PLSCR3: variants seen among roughly 807,000 people sequenced by gnomAD.
PLSCR3 encodes the protein PL scramblase 3.
PLSCR3 carries 17 observed loss-of-function variants against 33.7 expected under a neutral mutation model. The observed-to-expected ratio is 0.50, with a 90% CI of 0.35 to 0.76. PLSCR3 has a LOEUF of 0.76. PLSCR3 is among the 30% of genes least tolerant of loss of function. The pLI, the probability that PLSCR3 is intolerant of heterozygous loss-of-function variation, is 0.01. For synonymous variants in PLSCR3, 166 were observed against 166.0 expected (o/e 1.00, Z 0.00); for missense variants, 360 against 394.1 (o/e 0.91, Z 0.73).
At position 7,391,228 on chromosome 17, in the gene PLSCR3, A is replaced by G. The variant is rs1239405074; in HGVS notation, c.670-433T>C. Among the ~76,000 whole-genome samples the G allele has an allele frequency of 6.6e-6, 1 of 152,208 alleles. No individual in the cohort carries two copies. The highest frequency in any genetic ancestry group is 2.4e-5 in the African/African-American group (1 of 41,446). On this transcript the variant is annotated intron_variant, in intron 6 of 7. Coordinates refer to ENST00000619711, the MANE Select transcript of PLSCR3 (RefSeq NM_020360.4). This position sits in a 1 kb window ranked among gnomAD's most constrained non-coding sequence, Gnocchi z 4.1. ...AGTAACCTGGCCAAAAGGGCAAGGA[A>G]AGCTACTGGAATTCTGGCTGTACTT...
At chr17:7,390,599 C>T (rs1905595454) in intron 7 of PLSCR3, 35 bp downstream of exon 7, 2 of 1,611,784 alleles carry the variant, frequency 1.2e-6, no homozygotes, top group Non-Finnish European at 1.7e-6. Context: ...CAGCAAAGGA[C>T]AGGCAGGAGG....
rs1905710948 is a variant in PLSCR3 at position 7,391,696 on chromosome 17, A to G, written c.670-901T>C. 6.6e-6 allele frequency among the ~76,000 whole-genome samples: 1 copy of G among 152,286 alleles called. No homozygotes were observed. Among genetic ancestry groups the G allele is most frequent in the Non-Finnish European group, 1.5e-5 (1 of 68,020 alleles). On this transcript the variant is annotated intron_variant, in intron 6 of 7. Coordinates refer to ENST00000619711, the MANE Select transcript of PLSCR3 (RefSeq NM_020360.4). This position sits in a 1 kb window ranked among gnomAD's most constrained non-coding sequence, Gnocchi z 4.1. Reference sequence around the variant, plus strand: ...CCTATGAGAACCCCACAGCCTATACATTCCCATCTGGAGATCACGCAGTTA... The same window carrying G: ...CCTATGAGAACCCCACAGCCTATACGTTCCCATCTGGAGATCACGCAGTTA...
In PLSCR3 at chr17:7,393,146, C is replaced by A; in HGVS notation, c.505G>T (p.Glu169Ter). Reference sequence around the variant, plus strand: ...CCCGGCCCCCTCCCTCCGCCCACCTCCTGGAGGCCACAGGGGCAGCAGCTG... The same window carrying A: ...CCCGGCCCCCTCCCTCCGCCCACCTACTGGAGGCCACAGGGGCAGCAGCTG... ...GCSCCPCGLQ[E>*]MEVQAPPGTT... Residue 169 changes from glutamate to a stop codon, truncating the protein, a stop_gained and splice_region_variant, in exon 5 of 8, where the codon GAG becomes TAG. Transcript: ENST00000619711. LOFTEE classifies it high-confidence loss of function. 6.9e-7 allele frequency: 1 copy of A among 1,455,204 alleles called. No individual in the cohort carries two copies. Among genetic ancestry groups the A allele is most frequent in the South Asian group, 1.4e-5 (1 of 71,008 alleles). The allele number at this position is 1,455,204 out of a possible 1,614,324, so 90.1% of individuals were successfully genotyped here.
In PLSCR3 at chr17:7,394,151, G is replaced by A. The variant is rs751331461; in HGVS notation, c.-41C>T. The A allele has an allele frequency of 1.2e-6, 2 of 1,607,150 alleles. No homozygotes were observed. The highest frequency in any genetic ancestry group is 2.2e-5 in the South Asian group (2 of 90,522). On this transcript the variant is annotated 5_prime_UTR_variant, in exon 2 of 8. Transcript: ENST00000619711. The surrounding 1 kb of genome is among the most constrained non-coding windows in gnomAD (Gnocchi z 5.3). ...GTTTTCGAGATGATGGTGTCTGGGT[G>A]GCTTAGTTCTGGAAGCGGAGGCAAA...
At chr17:7,390,561 G>A (rs773547452) in intron 7 of PLSCR3, 73 bp downstream of exon 7, 78 of 1,588,846 alleles carry the variant, frequency 4.9e-5, no homozygotes, top group Middle Eastern at 3.3e-4. Context: ...CTAGCAAGAG[G>A]CCAGGAAATG....
intron 6 of PLSCR3, 66 bp from the exon 7 acceptor site, chr17:7,390,861 T>C: frequency 6.5e-7 from 1 of 1,530,890 alleles, no homozygotes; most frequent in Non-Finnish European, 9.0e-7. Flanking sequence ...TGCTCCAGTC[T>C]CATTCCCACA....
chr17:7,390,472 C>T (rs1487115704), intron 7 of PLSCR3, 31 bp from the exon 8 acceptor site: 35 of 1,584,044 alleles, frequency 2.2e-5, no homozygotes, highest in South Asian at 5.7e-5. Flanking sequence ...ATGGGAGATC[C>T]GGCTGGGCCA....
intron 5 of PLSCR3, 54 bp downstream of exon 5, chr17:7,393,090 A>G: frequency 6.8e-7 from 1 of 1,465,454 alleles, no homozygotes; most frequent in Non-Finnish European, 9.0e-7. Flanking sequence ...GGTGGACCTC[A>G]TCATTGTCCC....
rs150576973 is a variant in PLSCR3, at chr17:7,390,670, C to G, written c.795G>C (p.Arg265Ser). ...TGGCTCCCAGCAGCACAGCCTTCAC[C>G]CTCACATCCAGGTCCAGCGGGAACT... is the stretch of plus-strand genomic sequence containing the variant. ...GLQFPLDLDV[R>S]VKAVLLGATF... Residue 265 changes from arginine (R) to serine (S), a missense_variant, in exon 7 of 8, where the codon AGG becomes AGC. Arg to Ser is a moderately radical substitution (Grantham distance 110). Coordinates refer to ENST00000619711, the MANE Select transcript of PLSCR3 (RefSeq NM_020360.4). 6.2e-7 allele frequency: 1 copy of G among 1,614,124 alleles called. No homozygotes were observed. The highest frequency in any genetic ancestry group is 1.3e-5 in the African/African-American group (1 of 75,058).
chr17:7,393,300 A>G lies in PLSCR3; in HGVS notation c.351T>C (p.Gly117=). 6.2e-7 allele frequency: 1 copy of G among 1,610,614 alleles called. No homozygotes were observed. The highest frequency in any genetic ancestry group is 8.5e-7 in the Non-Finnish European group (1 of 1,179,820). The part of the protein sequence containing the change: ...ELRSGAGQPL[G]QAAEESNCCA... ...AGCAGTTGCTCTCCTCGGCCGCCTGACCCAGGGGCTGCCCGGCCCCAGAGC... is the reference window on the plus strand; with the variant it reads ...AGCAGTTGCTCTCCTCGGCCGCCTGGCCCAGGGGCTGCCCGGCCCCAGAGC... Residue 117 remains glycine (G), a synonymous_variant, in exon 5 of 8, where the codon GGT becomes GGC. Transcript: ENST00000619711.
Position 7,390,749 on chromosome 17 carries a change from T to C in PLSCR3, c.716A>G (p.Gln239Arg). ...ESRSVGRISK[Q>R]WGGLVREALT... Reference sequence around the variant, plus strand: ...GGCTTCTCGGACCAGGCCCCCCCACTGCTTGCTGATGCGGCCCACACTGCG... The same window carrying C: ...GGCTTCTCGGACCAGGCCCCCCCACCGCTTGCTGATGCGGCCCACACTGCG... Residue 239 changes from glutamine to arginine, a missense_variant, in exon 7 of 8, where the codon CAG (glutamine) becomes CGG (arginine). Physicochemically the swap from Gln to Arg is conservative, Grantham distance 43. Coordinates refer to ENST00000619711, the MANE Select transcript of PLSCR3 (RefSeq NM_020360.4). The C allele has an allele frequency of 6.2e-7, 1 of 1,614,128 alleles. No homozygotes were observed. The highest frequency in any genetic ancestry group is 2.2e-5 in the East Asian group (1 of 44,876).
intron 2 of PLSCR3, 90 bp from the exon 3 acceptor site, chr17:7,393,926 G>T: frequency 9.1e-7 from 1 of 1,103,494 alleles, no homozygotes; most frequent in Non-Finnish European, 1.3e-6. Context: ...GGCTTCGGGG[G>T]AAACGTGGTG....
chr17:7,393,584 C>A lies in PLSCR3; in HGVS notation c.243+17G>T. ...AAGTCCCCTCCCAGTCATCCTCCCT[C>A]CCTCCTTCCCACTCACCTGCACCAG... On this transcript the variant is annotated intron_variant, in intron 3 of 7. Coordinates refer to ENST00000619711, the MANE Select transcript of PLSCR3 (RefSeq NM_020360.4). 6.2e-7 allele frequency: 1 copy of A among 1,613,516 alleles called. No individual in the cohort carries two copies. The highest frequency in any genetic ancestry group is 2.2e-5 in the East Asian group (1 of 44,880).
chr17:7,390,615 G>A lies in PLSCR3; in HGVS notation c.831+19C>T, dbSNP rs756813244. On this transcript the variant is annotated intron_variant, in intron 7 of 7. Transcript: ENST00000619711. ...AGCAAAGGACAGGCAGGAGGTGGGGGCAGGGGCAGCCAACTCACAATGAGG... is the reference window on the plus strand; with the variant it reads ...AGCAAAGGACAGGCAGGAGGTGGGGACAGGGGCAGCCAACTCACAATGAGG... 23 of 1,613,058 alleles carry A rather than the reference G, an allele frequency of 1.4e-5. No individual in the cohort carries two copies. The highest frequency in any genetic ancestry group is 1.2e-4 in the Admixed American group (7 of 59,994).
chr17:7,393,853 G>T lies in PLSCR3; in HGVS notation c.8-17C>A, dbSNP rs763700977. The T allele has an allele frequency of 9.2e-6, 13 of 1,415,910 alleles. No homozygotes were observed. In the South Asian group the frequency reaches 1.5e-4, roughly 16 times the overall value. 87.7% of individuals were successfully genotyped at this position (1,415,910 alleles called of 1,614,324 possible). A position where few individuals can be genotyped will look rare whatever the true frequency, so the allele number is the denominator to read the frequency against. On this transcript the variant is annotated splice_polypyrimidine_tract_variant and intron_variant, in intron 2 of 7. Transcript: ENST00000619711. The stretch of plus-strand genomic sequence containing the variant: ...GCAAGTAGCCTGTAAAGCGGTGGGA[G>T]CAGGATAGATTAGAAAGGGACTCAA...
chr17:7,394,207 G>A lies in PLSCR3; in HGVS notation c.-97C>T, dbSNP rs1905992306. 30 of 1,212,666 alleles carry A rather than the reference G, an allele frequency of 2.5e-5. No individual in the cohort carries two copies. In the South Asian group the frequency reaches 3.6e-4, roughly 15 times the overall value. The allele number at this position is 1,212,666 out of a possible 1,614,324, so 75.1% of individuals were successfully genotyped here. A position where few individuals can be genotyped will look rare whatever the true frequency, so the allele number is the denominator to read the frequency against. On this transcript the variant is annotated 5_prime_UTR_variant, in exon 2 of 8. Transcript: ENST00000619711. This position sits in a 1 kb window ranked among gnomAD's most constrained non-coding sequence, Gnocchi z 5.3. ...AGATAGCCAGACAGACACAGAGACA[G>A]ACACAAAGACGGAGAGGCAGCTGCG... is the stretch of plus-strand genomic sequence containing the variant.
intron 6 of PLSCR3, 145 bp downstream of exon 6, chr17:7,392,646 T>C (rs1025885461): frequency 1.3e-6 from 1 of 768,812 alleles, no homozygotes; most frequent in African/African-American, 1.7e-5. Context: ...TATTTCCAAA[T>C]GGAGGAATGC....
At chr17:7,393,414 C>T in intron 4 of PLSCR3, 50 bp from the exon 5 acceptor site, 3 of 1,612,618 alleles carry the variant, frequency 1.9e-6, no homozygotes, top group Non-Finnish European at 2.5e-6. Flanking sequence ...CGCCCAGGAG[C>T]CCACCATCCG....
chr17:7,393,043 C>T (rs1428337975), intron 5 of PLSCR3, 91 bp from the exon 6 acceptor site: 7 of 1,508,570 alleles, frequency 4.6e-6, no homozygotes, highest in African/African-American at 2.8e-5. Context: ...CTCCCATCCC[C>T]ACCTGCCCAC....
Sources: allele counts gnomAD v4.1 joint callset (sites outside exome capture counted in the v4.1 genomes callset), GRCh38; gene constraint gnomAD v4.1.1; non-coding constraint Gnocchi (gnomAD v3.1); transcripts MANE v1.5; gene names NCBI Gene and HGNC (gene_info 2026-07-23, HGNC 2026-07-21).